Variants in IL32 observed in about 807,000 individuals in gnomAD.
The protein encoded by IL32 is interleukin-32.
A neutral mutation model predicts 16.6 loss-of-function variants in IL32; 30 were observed. That is an observed-to-expected ratio of 1.81 (90% CI 1.35 to 2.45). The LOEUF (loss-of-function observed/expected upper bound fraction) is 2.45. Among genes scored for constraint, IL32 ranks in the 30% most tolerant of loss-of-function variants. The pLI, the probability that IL32 is intolerant of heterozygous loss-of-function variation, is 0.00. For synonymous variants in IL32, 70 were observed against 86.1 expected (o/e 0.81, Z 1.03); for missense variants, 234 against 229.8 (o/e 1.02, Z -0.12).
chr16:3,068,695 C>T, intron 6 of IL32: 1 of 472,822 alleles, frequency 2.1e-6, no homozygotes, highest in Non-Finnish European at 3.9e-6. Context: ...GACAGCCTAG[C>T]TGGGACCTGC....
At chr16:3,068,382 T>G in intron 6 of IL32, 143 bp downstream of exon 6, 2 of 732,878 alleles carry the variant, frequency 2.7e-6, no homozygotes. Flanking sequence ...CTTGGCTCAC[T>G]GCAACCTCCA....
rs777851387 is a variant in IL32 at position 3,065,785 on chromosome 16, C to T, written c.-27C>T. 2 of 1,614,084 alleles carry T rather than the reference C, an allele frequency of 1.2e-6. No homozygotes were observed. The highest frequency in any genetic ancestry group is 8.5e-7 in the Non-Finnish European group (1 of 1,179,958). ...CTCACACCTGTTCCTCGCCAGCAGG[C>T]CTTGGCTCCTTGAACTTTTGGCCGC... On this transcript the variant is annotated splice_region_variant and 5_prime_UTR_variant, in exon 2 of 7. Coordinates refer to ENST00000525643, the MANE Select transcript of IL32 (RefSeq NM_001376923.1).
At chr16:3,065,478 A>T (rs973022195), upstream of IL32, 2 of 442,078 alleles carry the variant, frequency 4.5e-6, no homozygotes, top group Non-Finnish European at 8.3e-6. Flanking sequence ...GGGACCCCAG[A>T]CCTCTGTCTC....
chr16:3,069,022 T>C lies in IL32; in HGVS notation c.234T>C (p.Asp78=), dbSNP rs1452265364. ...CTCCTCTACTTGAAAAAGAAAGAGATGGATTACGGTGCCGAGGCAACAGAT... is the reference window on the plus strand; with the variant it reads ...CTCCTCTACTTGAAAAAGAAAGAGACGGATTACGGTGCCGAGGCAACAGAT... ...ELTPLLEKER[D]GLRCRGNRSP... Residue 78 remains aspartate, a synonymous_variant, in exon 7 of 7, where the codon GAT becomes GAC. Transcript: ENST00000525643. 4 of 1,595,112 alleles carry C rather than the reference T, an allele frequency of 2.5e-6. No individual in the cohort carries two copies. Among genetic ancestry groups the C allele is most frequent in the African/African-American group, 1.4e-5 (1 of 73,936 alleles).
At chr16:3,067,299 GTGTGTGTGTGTATA>G (rs1362700678) in intron 2 of IL32, 64 bp from the exon 3 acceptor site, 36 of 712,952 alleles carry the variant, frequency 5.0e-5, no homozygotes, top group South Asian at 6.9e-5. Context: ...GTGTGTGTGT[GTGTGTGTGTGTATA>G]AATTATCCTG....
At chr16:3,067,904 G>T in intron 4 of IL32, 80 bp from the exon 5 acceptor site, 2 of 1,502,508 alleles carry the variant, frequency 1.3e-6, no homozygotes, top group East Asian at 2.3e-5. Context: ...GGGAGCTGAG[G>T]ACTCACTGGG....
intron 2 of IL32, among the ~76,000 whole-genome samples, chr16:3,066,997 C>T (rs13330871): frequency 0.05 from 2,640 of 53,036 alleles, 62 homozygotes; most frequent in African/African-American, 0.1. Flanking sequence ...CCTAGGCCCA[C>T]GCAGGCCCTG....
At chr16:3,067,277 G>GTGTGTGTGTGTGTCTC (rs1956467676) in intron 2 of IL32, 100 bp from the exon 3 acceptor site, 4 of 283,406 alleles carry the variant, frequency 1.4e-5, no homozygotes, top group African/African-American at 4.1e-5. Flanking sequence ...GTCTCTGTGT[G>GTGTGTGTGTGTGTCTC]TGTGTGTGTG....
intron 5 of IL32, 35 bp downstream of exon 5, chr16:3,068,045 C>T: frequency 1.9e-6 from 3 of 1,613,476 alleles, no homozygotes; most frequent in East Asian, 2.2e-5. Context: ...CAAGCTTAGT[C>T]CCTGGGTCTT....
chr16:3,065,753 T>G (rs1450049849), intron 1 of IL32, 31 bp from the exon 2 acceptor site: 6 of 1,612,114 alleles, frequency 3.7e-6, no homozygotes, highest in Non-Finnish European at 5.1e-6. Context: ...TGAGACACTT[T>G]CTTTTCCTCA....
intron 3 of IL32, 43 bp downstream of exon 3, chr16:3,067,458 G>T: frequency 6.2e-7 from 1 of 1,612,640 alleles, no homozygotes; most frequent in South Asian, 1.1e-5. Flanking sequence ...GGGGGCCTGG[G>T]TCTCAGCGTG....
chr16:3,067,295 G>GTGTGTGTCTC, intron 2 of IL32, 82 bp from the exon 3 acceptor site: 1 of 698,030 alleles, frequency 1.4e-6, no homozygotes, highest in Non-Finnish European at 2.5e-6. Context: ...GTGTGTGTGT[G>GTGTGTGTCTC]TGTGTGTGTG....
rs201721431 is a variant in IL32, at chr16:3,068,171, T to C, written c.142-9T>C. ...GCAGCATGAACCCCCTGTGCCCTCCTCTCCCCAGGACGACTTCAAAGAGGG... is the reference window on the plus strand; with the variant it reads ...GCAGCATGAACCCCCTGTGCCCTCCCCTCCCCAGGACGACTTCAAAGAGGG... On this transcript the variant is annotated splice_polypyrimidine_tract_variant and intron_variant, in intron 5 of 6. Transcript: ENST00000525643. 58 of 1,603,866 alleles carry C rather than the reference T, an allele frequency of 3.6e-5. No individual in the cohort carries two copies. The highest frequency in any genetic ancestry group is 4.6e-5 in the Non-Finnish European group (54 of 1,175,118).
chr16:3,068,063 A>G, intron 5 of IL32, 53 bp downstream of exon 5: 1 of 1,610,580 alleles, frequency 6.2e-7, no homozygotes, highest in Non-Finnish European at 8.5e-7. Context: ...CTTAGGCTCC[A>G]CAGGACACTG....
At position 3,068,197 on chromosome 16, in the gene IL32, C is replaced by A; in HGVS notation, c.159C>A (p.Gly53=). ...CTCCCCAGGACGACTTCAAAGAGGG[C>A]TACCTGGAGACAGTGGCGGCTTATT... ...LAELEDDFKE[G]YLETVAAYYE... Residue 53 remains glycine, a synonymous_variant, in exon 6 of 7, where the codon GGC becomes GGA. Transcript: ENST00000525643. The A allele has an allele frequency of 5.0e-6, 8 of 1,604,276 alleles. No individual in the cohort carries two copies. Among genetic ancestry groups the A allele is most frequent in the Non-Finnish European group, 6.8e-6 (8 of 1,175,138 alleles).
At chr16:3,066,342 C>A (rs1284944554) in intron 2 of IL32, among the ~76,000 whole-genome samples, 8 of 152,212 alleles carry the variant, frequency 5.3e-5, no homozygotes, top group Non-Finnish European at 8.8e-5. Context: ...AGGACAGTGA[C>A]CCGGAGGACA....
chr16:3,067,748 C>T, intron 4 of IL32, 135 bp downstream of exon 4: 2 of 870,542 alleles, frequency 2.3e-6, no homozygotes, highest in Non-Finnish European at 3.7e-6. Context: ...CAAATGCTTG[C>T]ACCTGGGTGG....
Position 3,069,086 on chromosome 16 carries a change from C to G in IL32, c.298C>G (p.Pro100Ala). Reference sequence around the variant, plus strand: ...TGTTGAGGATCCCGCAACCGAGGAGCCTGGGGAGAGCTTTTGTGACAAGGT... The same window carrying G: ...TGTTGAGGATCCCGCAACCGAGGAGGCTGGGGAGAGCTTTTGTGACAAGGT... Reference protein sequence around the residue: ...PDVEDPATEEPGESFCDKVMR... With the variant: ...PDVEDPATEEAGESFCDKVMR... The change falls in exon 7 of 7, where the codon CCT becomes GCT. Residue 100 changes from proline to alanine, a missense_variant. Around this residue, in one of 3 missense-constraint regions of IL32, gnomAD observed 44 missense variants for 103.1 expected, o/e 0.43. Transcript: ENST00000525643. The G allele has an allele frequency of 1.9e-6, 3 of 1,608,732 alleles. No individual in the cohort carries two copies. The highest frequency in any genetic ancestry group is 3.4e-5 in the Admixed American group (2 of 58,872).
Position 3,067,293 on chromosome 16 carries a change from G to GTGTGTGTGTC in IL32, c.16-75_16-74insCTGTGTGTGT, listed in dbSNP as rs1956479600. On this transcript the variant is annotated intron_variant, in intron 2 of 6. Coordinates refer to ENST00000525643, the MANE Select transcript of IL32 (RefSeq NM_001376923.1). ...TCTCTGTGTGTGTGTGTGTGTGTGT[G>GTGTGTGTGTC]TGTGTGTGTGTGTGTGTATAAATTA... 7 of 690,000 alleles carry GTGTGTGTGTC rather than the reference G, an allele frequency of 1.0e-5. No homozygotes were observed. In the Admixed American group the frequency reaches 1.5e-4, roughly 15 times the overall value. The allele number at this position is 690,000 out of a possible 1,614,324, so 42.7% of individuals were successfully genotyped here.
Sources: gnomAD v4.1 joint callset for allele counts (sites outside exome capture counted in the v4.1 genomes callset) on GRCh38, gnomAD v4.1.1 for gene constraint, gnomAD v4.1.1 regional missense constraint, MANE v1.5 for transcripts, NCBI Gene and HGNC (gene_info 2026-07-23, HGNC 2026-07-21) for gene names.